SORCS1: variants seen among roughly 807,000 people sequenced by gnomAD.
SORCS1 encodes VPS10 domain-containing receptor SorCS1.
In SORCS1, 60 loss-of-function variants were observed where a neutral mutation model predicts 146.1. The observed-to-expected ratio is 0.41, with a 90% CI of 0.33 to 0.51. The LOEUF is 0.51. Ranked by LOEUF, SORCS1 falls within the 20% of genes least tolerant of loss-of-function variation. SORCS1 has a pLI of 0.21. For missense variants in SORCS1, 1,352 were observed against 1,487.6 expected, an observed-to-expected ratio of 0.91 and a Z score of 1.50; for synonymous variants, 637 against 584.0, an observed-to-expected ratio of 1.09 and a Z score of -1.31.
intron 2 of SORCS1, among the ~76,000 whole-genome samples, chr10:106,922,016 G>C (rs1475135451): frequency 6.6e-6 from 1 of 152,158 alleles, no homozygotes; most frequent in Non-Finnish European, 1.5e-5. Flanking sequence ...TGAAGTCCCA[G>C]AAGTAGAAAA....
Position 106,803,113 on chromosome 10 carries a change from G to A in SORCS1, c.727-26421C>T, listed in dbSNP as rs369962749. ...AATAGTCTGTAACATATGTTGACAC[G>A]ACACCAACCTAGAACGCAGACCTTG... On this transcript the variant is annotated intron_variant, in intron 3 of 25. Transcript: ENST00000263054. Among the ~76,000 whole-genome samples, 4 of 152,016 alleles carry A rather than the reference G, an allele frequency of 2.6e-5. No individual in the cohort carries two copies. The East Asian group carries it at 7.7e-4, about 29-fold the overall frequency.
At chr10:106,976,768 C>T (rs1054561112) in intron 1 of SORCS1, among the ~76,000 whole-genome samples, 19 of 152,122 alleles carry the variant, frequency 1.2e-4, no homozygotes, top group African/African-American at 4.6e-4. Context: ...TGTTTAACTC[C>T]CACTTATGAG....
chr10:107,104,938 A>C (rs112833753), intron 1 of SORCS1, among the ~76,000 whole-genome samples: 2 of 152,234 alleles, frequency 1.3e-5, no homozygotes, highest in African/African-American at 4.8e-5. Context: ...AGAGGAGCCA[A>C]GAATGACCTG....
chr10:107,010,142 T>A (rs1163903695), intron 1 of SORCS1, among the ~76,000 whole-genome samples: 1 of 152,242 alleles, frequency 6.6e-6, no homozygotes, highest in Non-Finnish European at 1.5e-5. Context: ...TGTTTGTTCA[T>A]CAATATAACT....
rs1332243802 is a variant in SORCS1 at position 106,903,937 on chromosome 10, A to C, written c.626+52576T>G. 2.6e-5 allele frequency among the ~76,000 whole-genome samples: 4 copies of C among 152,194 alleles called. No homozygotes were observed. In the East Asian group the frequency reaches 7.7e-4, roughly 29 times the overall value. ...TTGCATCATTACCACTGCTTTCCTT[A>C]TAATGACTTAGAAAAATCATCCTTC... On this transcript the variant is annotated intron_variant, in intron 2 of 25. Coordinates refer to ENST00000263054, the MANE Select transcript of SORCS1 (RefSeq NM_052918.5).
chr10:106,712,154 A>C (rs972674723), intron 6 of SORCS1, among the ~76,000 whole-genome samples: 3 of 152,366 alleles, frequency 2.0e-5, no homozygotes, highest in Admixed American at 1.3e-4. Flanking sequence ...GCCACAGCTG[A>C]GGAAATGGAA....
intron 2 of SORCS1, among the ~76,000 whole-genome samples, chr10:106,951,308 G>A (rs574844794): frequency 9.2e-4 from 140 of 152,028 alleles, no homozygotes; most frequent in African/African-American, 3.2e-3. Flanking sequence ...TCAGGAGATC[G>A]AGACCATCCT....
intron 1 of SORCS1, among the ~76,000 whole-genome samples, chr10:107,039,829 C>T (rs1204085791): frequency 6.6e-6 from 1 of 152,132 alleles, no homozygotes; most frequent in South Asian, 2.1e-4. Flanking sequence ...ACAACTAAGG[C>T]CCCGGAACAG....
intron 1 of SORCS1, among the ~76,000 whole-genome samples, chr10:106,993,528 T>C (rs1488168261): frequency 6.6e-6 from 1 of 151,954 alleles, no homozygotes; most frequent in Non-Finnish European, 1.5e-5. Flanking sequence ...TCCAGAAGAG[T>C]ATGCAGGAAT....
At chr10:107,112,853 A>G (rs892459923) in intron 1 of SORCS1, among the ~76,000 whole-genome samples, 1 of 152,202 alleles carries the variant, frequency 6.6e-6, no homozygotes, top group African/African-American at 2.4e-5. Context: ...ACCTAAACAT[A>G]TAAGGCAAAA....
intron 1 of SORCS1, among the ~76,000 whole-genome samples, chr10:107,145,904 T>C (rs1968284072): frequency 2.0e-5 from 3 of 152,244 alleles, no homozygotes; most frequent in Non-Finnish European, 4.4e-5. Context: ...ATTTTAGCTC[T>C]ATTTTTAAGT....
chr10:106,912,880 C>T (rs377408438), intron 2 of SORCS1, among the ~76,000 whole-genome samples: 2 of 151,990 alleles, frequency 1.3e-5, no homozygotes, highest in Non-Finnish European at 2.9e-5. Context: ...GGGGGTTTCA[C>T]CATATTGGCC....
At chr10:106,624,453 T>C (rs1847962782) in intron 19 of SORCS1, among the ~76,000 whole-genome samples, 1 of 143,620 alleles carries the variant, frequency 7.0e-6, no homozygotes, top group Non-Finnish European at 1.5e-5. Flanking sequence ...CTCTGCCTCC[T>C]GGGTTCAAGT....
chr10:106,613,057 T>C (rs948655463), intron 21 of SORCS1, among the ~76,000 whole-genome samples: 1 of 152,188 alleles, frequency 6.6e-6, no homozygotes, highest in Non-Finnish European at 1.5e-5. Context: ...ACATACTTTT[T>C]ATTATTATTA....
chr10:106,617,721 T>G (rs1847468381), intron 21 of SORCS1, among the ~76,000 whole-genome samples: 1 of 152,232 alleles, frequency 6.6e-6, no homozygotes, highest in South Asian at 2.1e-4. Context: ...GATACAGATT[T>G]GTGGAAGAGG....
chr10:106,679,773 T>A (rs773791506), intron 10 of SORCS1, 39 bp from the exon 11 acceptor site: 2 of 1,471,588 alleles, frequency 1.4e-6, no homozygotes, highest in South Asian at 1.2e-5. Flanking sequence ...AATCACATAA[T>A]CAAAATGGTC....
At chr10:106,822,871 C>T (rs1948122394) in intron 3 of SORCS1, among the ~76,000 whole-genome samples, 2 of 149,416 alleles carry the variant, frequency 1.3e-5, no homozygotes, top group South Asian at 2.2e-4. Context: ...ACCTCCACCT[C>T]CCAGGTTCAA....
intron 5 of SORCS1, among the ~76,000 whole-genome samples, chr10:106,737,322 C>T (rs1270768200): frequency 1.3e-5 from 2 of 152,162 alleles, no homozygotes; most frequent in Non-Finnish European, 2.9e-5. Context: ...CCCACTTTCC[C>T]TTTTCTAATT....
chr10:106,729,299 A>C (rs1157997267), intron 6 of SORCS1, among the ~76,000 whole-genome samples: 2 of 152,218 alleles, frequency 1.3e-5, no homozygotes, highest in Non-Finnish European at 2.9e-5. Flanking sequence ...CAACATTGTC[A>C]TGAGGCTACA....
Sources: gnomAD v4.1 joint callset for allele counts (sites outside exome capture counted in the v4.1 genomes callset) on GRCh38, gnomAD v4.1.1 for gene constraint, MANE v1.5 for transcripts, NCBI Gene and HGNC (gene_info 2026-07-23, HGNC 2026-07-21) for gene names.